The following PMPCA variants were observed in gnomAD, a reference collection of about 807,000 sequenced individuals.
PMPCA encodes the protein mitochondrial-processing peptidase subunit alpha.
In PMPCA, 47 loss-of-function variants were observed where a neutral mutation model predicts 59.3. The observed-to-expected ratio is 0.79, with a 90% CI of 0.63 to 1.01. The LOEUF is 1.01. PMPCA is among the 50% of genes least tolerant of loss of function. The pLI is 0.00. For synonymous variants in PMPCA, 338 were observed against 290.3 expected, an observed-to-expected ratio of 1.16 and a Z score of -1.67; for missense variants, 726 against 704.5, an observed-to-expected ratio of 1.03 and a Z score of -0.34.
At position 136,418,551 on chromosome 9, in the gene PMPCA, G is replaced by A. The variant is rs1257403888; in HGVS notation, c.991-4G>A. 1.3e-6 allele frequency: 2 copies of A among 1,583,900 alleles called. No homozygotes were observed. Among genetic ancestry groups the A allele is most frequent in the African/African-American group, 1.3e-5 (1 of 74,426 alleles). On this transcript the variant is annotated splice_polypyrimidine_tract_variant and splice_region_variant and intron_variant, in intron 8 of 12. Coordinates refer to ENST00000371717, the MANE Select transcript of PMPCA (RefSeq NM_015160.3). ...TCAGCCAGCTCTGCCCTCCGTCCCT[G>A]CAGGAGGAGGACTTCATCCCCTTTG...
Position 136,417,208 on chromosome 9 carries a change from T to C in PMPCA, c.891T>C (p.Ile297=), listed in dbSNP as rs1835306537. Residue 297 remains isoleucine (I), a synonymous_variant, in exon 7 of 13, where the codon ATT becomes ATC. Coordinates refer to ENST00000371717, the MANE Select transcript of PMPCA (RefSeq NM_015160.3). ...DRSVAQYTGG[I]AKLERDMSNV... is the part of the protein sequence containing the mutation. ...CTGTGGCCCAGTACACTGGGGGGAT[T>C]GCCAAGGTGAAGTAGCGGGAACGTC... 2 of 1,572,960 alleles carry C rather than the reference T, an allele frequency of 1.3e-6. No individual in the cohort carries two copies. The highest frequency in any genetic ancestry group is 4.6e-5 in the East Asian group (2 of 43,954).
In PMPCA at chr9:136,421,976, C is replaced by T. The variant is rs1420778267; in HGVS notation, c.1408C>T (p.Arg470Cys). 11 of 1,607,974 alleles carry T rather than the reference C, an allele frequency of 6.8e-6. No homozygotes were observed. The highest frequency in any genetic ancestry group is 1.1e-5 in the South Asian group (1 of 90,560). The change falls in exon 12 of 13, where the codon CGC becomes TGC. Residue 470 changes from arginine to cysteine, a missense_variant and splice_region_variant. Coordinates refer to ENST00000371717, the MANE Select transcript of PMPCA (RefSeq NM_015160.3). The part of the protein sequence containing the change: ...KLPHELCTLI[R>C]NVKPEDVKRV... The stretch of plus-strand genomic sequence containing the variant: ...GCCGCACGAGCTGTGCACGCTCATC[C>T]GTGAGTACCGCAGGGGTAGTGAGGG...
rs1295427276 is a variant in PMPCA at position 136,418,177 on chromosome 9, C to CTGTCCCTG, written c.990+69_990+76dup. 3.0e-5 allele frequency: 34 copies of CTGTCCCTG among 1,133,056 alleles called. 2 individuals are homozygous for CTGTCCCTG. In the East Asian group the frequency reaches 7.8e-4, roughly 26 times the overall value. 70.2% of individuals were successfully genotyped at this position (1,133,056 alleles called of 1,614,324 possible). Reference sequence around the variant, plus strand: ...TGGCCGGCTCAGCCAGCCCTGCCCTCTGTCCCTGGCATCCGACAGCGCTCC... The same window carrying CTGTCCCTG: ...TGGCCGGCTCAGCCAGCCCTGCCCTCTGTCCCTGTGTCCCTGGCATCCGACAGCGCTCC... On this transcript the variant is annotated intron_variant, in intron 8 of 12. Coordinates refer to ENST00000371717, the MANE Select transcript of PMPCA (RefSeq NM_015160.3).
At chr9:136,419,520 C>T (rs780138223) in intron 11 of PMPCA, 6 of 296,292 alleles carry the variant, frequency 2.0e-5, no homozygotes, top group African/African-American at 1.1e-4. Flanking sequence ...TGGGCTGCAG[C>T]GTGGGGTGTC....
intron 6 of PMPCA, 80 bp downstream of exon 6, chr9:136,416,471 C>T (rs538926520): frequency 8.5e-5 from 85 of 994,538 alleles, no homozygotes; most frequent in Non-Finnish European, 1.3e-4. Context: ...GAGGGTGCCT[C>T]CGTGATGTTG....
Position 136,423,360 on chromosome 9 carries a change from G to A in PMPCA, c.*96G>A. 1 of 1,313,684 alleles carries A rather than the reference G, an allele frequency of 7.6e-7. No individual in the cohort carries two copies. Among genetic ancestry groups the A allele is most frequent in the Non-Finnish European group, 1.0e-6 (1 of 965,728 alleles). The allele number at this position is 1,313,684 out of a possible 1,614,324, so 81.4% of individuals were successfully genotyped here. A position where few individuals can be genotyped will look rare whatever the true frequency, so the allele number is the denominator to read the frequency against. ...ACGAATTTAGTCTAAAAAGCTGTCT[G>A]GTTGTATAAACGGTGCAAACAATGT... On this transcript the variant is annotated 3_prime_UTR_variant, in exon 13 of 13. Transcript: ENST00000371717.
At chr9:136,416,020 T>G in intron 5 of PMPCA, 1 of 553,824 alleles carries the variant, frequency 1.8e-6, no homozygotes, top group Non-Finnish European at 3.2e-6. Flanking sequence ...CTTCGGTGCC[T>G]TTCACCAGCA....
rs1457242813 is a variant in PMPCA at position 136,412,424 on chromosome 9, GTT to G, written c.275-64_275-63del. The G allele has an allele frequency of 8.1e-6, 7 of 865,438 alleles. No individual in the cohort carries two copies. The East Asian group carries it at 1.7e-4, about 21-fold the overall frequency. 53.6% of individuals were successfully genotyped at this position (865,438 alleles called of 1,614,324 possible). A position where few individuals can be genotyped will look rare whatever the true frequency, so the allele number is the denominator to read the frequency against. On this transcript the variant is annotated intron_variant, in intron 2 of 12. Coordinates refer to ENST00000371717, the MANE Select transcript of PMPCA (RefSeq NM_015160.3). ...TCATGTCATATTGACATCTTAAAAT[GTT>G]TCTCTTGATTAAATCTTATTTTGAA... is the stretch of plus-strand genomic sequence containing the variant.
Position 136,421,898 on chromosome 9 carries a change from G to T in PMPCA, c.1330G>T (p.Val444Leu). The part of the protein sequence containing the change: ...MLMMNLESRP[V>L]IFEDVGRQVL... ...CATGATGAACCTGGAATCCAGGCCT[G>T]TGATCTTCGAGGATGTGGGGAGGCA... The change falls in exon 12 of 13, where the codon GTG becomes TTG. Residue 444 changes from valine (V) to leucine (L), a missense_variant. Val to Leu is a conservative substitution (Grantham distance 32, BLOSUM62 1). Transcript: ENST00000371717. The T allele has an allele frequency of 6.2e-7, 1 of 1,612,028 alleles. No individual in the cohort carries two copies. Among genetic ancestry groups the T allele is most frequent in the Non-Finnish European group, 8.5e-7 (1 of 1,179,744 alleles).
intron 8 of PMPCA, 129 bp from the exon 9 acceptor site, chr9:136,418,426 C>T: frequency 9.8e-6 from 7 of 711,846 alleles, no homozygotes; most frequent in South Asian, 1.7e-5. Context: ...GCCCTCCGTC[C>T]CTGGCGTCCA....
chr9:136,411,375 A>G (rs1835108147), intron 1 of PMPCA: 1 of 154,474 alleles, frequency 6.5e-6, no homozygotes, highest in African/African-American at 2.4e-5. Flanking sequence ...GCAGCCTTTC[A>G]TGATAGAAAA....
rs201552362 is a variant in PMPCA at position 136,414,517 on chromosome 9, C to A, written c.438-36C>A. 17 of 1,396,998 alleles carry A rather than the reference C, an allele frequency of 1.2e-5. No individual in the cohort carries two copies. In the East Asian group the frequency reaches 3.4e-4, roughly 28 times the overall value. 86.5% of individuals were successfully genotyped at this position (1,396,998 alleles called of 1,614,324 possible). On this transcript the variant is annotated intron_variant, in intron 4 of 12. Coordinates refer to ENST00000371717, the MANE Select transcript of PMPCA (RefSeq NM_015160.3). Reference sequence around the variant, plus strand: ...CTGGCTGTTAAGCAGAGTGTGAGTTCAGGGCCTGGCATTATGGGCTTGTGT... The same window carrying A: ...CTGGCTGTTAAGCAGAGTGTGAGTTAAGGGCCTGGCATTATGGGCTTGTGT...
chr9:136,410,870 C>A, intron 1 of PMPCA, 131 bp downstream of exon 1: 1 of 706,630 alleles, frequency 1.4e-6, no homozygotes, highest in Non-Finnish European at 2.0e-6. Flanking sequence ...CACTGGTGTC[C>A]CCGAGGCGAC....
intron 11 of PMPCA, chr9:136,420,035 G>A (rs1416852400): frequency 6.7e-6 from 1 of 150,198 alleles, no homozygotes; most frequent in Non-Finnish European, 1.5e-5. Flanking sequence ...CTGGAGTGCA[G>A]TGGCATGATC....
In PMPCA at chr9:136,417,320, A is replaced by G. The variant is rs547439665; in HGVS notation, c.897+106A>G. 192 of 929,968 alleles carry G rather than the reference A, an allele frequency of 2.1e-4. 3 individuals are homozygous for G. In the South Asian group the frequency reaches 3.2e-3, roughly 15 times the overall value. The allele number at this position is 929,968 out of a possible 1,614,324, so 57.6% of individuals were successfully genotyped here. A position where few individuals can be genotyped will look rare whatever the true frequency, so the allele number is the denominator to read the frequency against. On this transcript the variant is annotated intron_variant, in intron 7 of 12. Coordinates refer to ENST00000371717, the MANE Select transcript of PMPCA (RefSeq NM_015160.3). ...TCTGAGGGTGATAGGTGTTGACTGC[A>G]TGTGTAGCTTTGCCTTAACACATGC...
chr9:136,413,486 G>C (rs559357126), intron 4 of PMPCA, among the ~76,000 whole-genome samples: 76 of 152,278 alleles, frequency 5.0e-4, no homozygotes, highest in African/African-American at 1.8e-3. Flanking sequence ...ATAGATCACA[G>C]ATTTTTAAAA....
chr9:136,415,913 G>A (rs375769985), intron 5 of PMPCA, among the ~76,000 whole-genome samples: 4 of 152,220 alleles, frequency 2.6e-5, no homozygotes, highest in South Asian at 2.1e-4. Context: ...GATTACAGGC[G>A]TGAGCCACCG....
At chr9:136,410,798 A>T in intron 1 of PMPCA, 59 bp downstream of exon 1, 1 of 1,303,284 alleles carries the variant, frequency 7.7e-7, no homozygotes. Context: ...GTCTTTCTGG[A>T]CGCTCCGTCT....
intron 12 of PMPCA, 123 bp from the exon 13 acceptor site, chr9:136,422,972 C>G: frequency 6.9e-7 from 1 of 1,454,812 alleles, no homozygotes; most frequent in Non-Finnish European, 9.1e-7. Context: ...CCAGGTGCCC[C>G]CATCAGCAGC....
Sources: gnomAD v4.1 joint callset for allele counts (sites outside exome capture counted in the v4.1 genomes callset) on GRCh38, gnomAD v4.1.1 for gene constraint, MANE v1.5 for transcripts, NCBI Gene and HGNC (gene_info 2026-07-23, HGNC 2026-07-21) for gene names.